The following COA1 variants were observed in gnomAD, a reference collection of about 807,000 sequenced individuals.
COA1 encodes cytochrome c oxidase assembly factor 1 homolog.
Under a neutral mutation model 16.0 loss-of-function variants are expected in COA1, and 13 were observed. The observed-to-expected ratio is 0.81, with a 90% CI of 0.53 to 1.29. The LOEUF (loss-of-function observed/expected upper bound fraction) is 1.29. COA1 is among the 50% of genes most tolerant of loss of function. The probability of loss-of-function intolerance (pLI) is 0.00; values close to 1 mark genes in which losing one functional copy is unlikely to be tolerated. For synonymous variants in COA1, 65 were observed against 65.7 expected (o/e 0.99, Z 0.05); for missense variants, 179 against 177.0 (o/e 1.01, Z -0.06).
Position 43,633,906 on chromosome 7 carries a change from T to A in COA1, c.*133+5543A>T, listed in dbSNP as rs12532667. 1.3e-4 allele frequency among the ~76,000 whole-genome samples: 20 copies of A among 152,280 alleles called. No individual in the cohort carries two copies. In the East Asian group the frequency reaches 3.7e-3, roughly 28 times the overall value. On this transcript the variant is annotated intron_variant and NMD_transcript_variant, in intron 6 of 6. Coordinates refer to the COA1 transcript ENST00000415076. ...TTAGCTAGAGGCCCACAGGTACCAATTGCAGTCTGTTTTCTCCGCTCAGAT... is the reference window on the plus strand; with the variant it reads ...TTAGCTAGAGGCCCACAGGTACCAAATGCAGTCTGTTTTCTCCGCTCAGAT...
chr7:43,681,183 A>G (rs371364557), intron 1 of COA1, among the ~76,000 whole-genome samples: 68 of 152,216 alleles, frequency 4.5e-4, no homozygotes, highest in African/African-American at 1.6e-3. Context: ...TGACCCATTC[A>G]TCGTATATAG....
At chr7:43,670,588 TG>T (rs1483969373) in intron 1 of COA1, among the ~76,000 whole-genome samples, 3 of 152,150 alleles carry the variant, frequency 2.0e-5, no homozygotes, top group Non-Finnish European at 4.4e-5. Flanking sequence ...CCTGAAGAAG[TG>T]TTTAGCCTAG....
chr7:43,689,837 A>G (rs1006531692), intron 1 of COA1, among the ~76,000 whole-genome samples: 6 of 152,234 alleles, frequency 3.9e-5, no homozygotes, highest in Non-Finnish European at 8.8e-5. Context: ...TTAAATGTAG[A>G]CTATGATAAG....
chr7:43,676,969 C>T (rs1404190877), intron 1 of COA1, among the ~76,000 whole-genome samples: 4 of 152,086 alleles, frequency 2.6e-5, no homozygotes, highest in Non-Finnish European at 5.9e-5. Context: ...TTTTTTCTAG[C>T]TTAATTTATT....
rs916153450 is a variant in COA1, at chr7:43,629,413, T to G, written c.*133+10036A>C. 1.3e-5 allele frequency among the ~76,000 whole-genome samples: 2 copies of G among 152,244 alleles called. 1 individual carries two copies. Among genetic ancestry groups the G allele is most frequent in the South Asian group, 4.1e-4 (2 of 4,836 alleles). ...GTAGTCATCCAATCCATAAACATGT[T>G]TTTCCATTTACTTCATTTTTTCTCA... On this transcript the variant is annotated intron_variant and NMD_transcript_variant, in intron 6 of 6. Transcript: ENST00000415076.
chr7:43,630,855 T>TA (rs1405726116), intron 6 of COA1, among the ~76,000 whole-genome samples: 7 of 152,176 alleles, frequency 4.6e-5, no homozygotes, highest in Admixed American at 3.3e-4. Context: ...TTTTACCAGT[T>TA]AGAGTGAAAT....
At chr7:43,684,867 A>G (rs76690154) in intron 1 of COA1, among the ~76,000 whole-genome samples, 2,100 of 152,278 alleles carry the variant, frequency 0.014, 37 homozygotes, top group African/African-American at 0.048. Flanking sequence ...AGAGAGACAG[A>G]CTGAGCTCTG....
chr7:43,623,916 T>C (rs1364198803), intron 6 of COA1: 2 of 1,381,302 alleles, frequency 1.4e-6, no homozygotes, highest in South Asian at 1.8e-5. Context: ...TAGTTTAATA[T>C]TGAACTAATT....
intron 1 of COA1, among the ~76,000 whole-genome samples, chr7:43,660,791 T>A (rs749831719): frequency 1.1e-4 from 16 of 152,246 alleles, no homozygotes; most frequent in Non-Finnish European, 1.6e-4. Flanking sequence ...CAAGGGGTTA[T>A]CAAGACTGCT....
rs2089073068 is a variant in COA1, at chr7:43,645,661, T to C, written c.116-262A>G. ...TGCAGACCCTTTCTGCTTCACCTCA[T>C]TTCTACCCTCACTCATTGCCTTATT... On this transcript the variant is annotated intron_variant, in intron 3 of 5. Transcript: ENST00000223336. 1.1e-5 allele frequency: 4 copies of C among 351,894 alleles called. No individual in the cohort carries two copies. The South Asian group carries it at 1.3e-4, about 11-fold the overall frequency. The allele number at this position is 351,894 out of a possible 1,614,324, so 21.8% of individuals were successfully genotyped here.
chr7:43,656,922 C>A (rs539264638), intron 1 of COA1, among the ~76,000 whole-genome samples: 6 of 151,042 alleles, frequency 4.0e-5, no homozygotes, highest in Non-Finnish European at 7.4e-5. Flanking sequence ...AGGCCGGTTG[C>A]GGTGGCTCAC....
At chr7:43,644,710 TTAGA>T (rs764989171) in intron 4 of COA1, among the ~76,000 whole-genome samples, 1,738 of 56,088 alleles carry the variant, frequency 0.031, 25 homozygotes, top group Middle Eastern at 0.067. Context: ...GATAGATAGA[TTAGA>T]TAGATAGATA....
chr7:43,663,145 T>C (rs2092600271), intron 1 of COA1, among the ~76,000 whole-genome samples: 1 of 152,212 alleles, frequency 6.6e-6, no homozygotes, highest in Admixed American at 6.5e-5. Flanking sequence ...GTTTCAAGTA[T>C]GTGGCACCTC....
At chr7:43,726,931 A>G (rs917318967) in intron 1 of COA1, among the ~76,000 whole-genome samples, 1 of 152,248 alleles carries the variant, frequency 6.6e-6, no homozygotes, top group African/African-American at 2.4e-5. Flanking sequence ...ACTTGAAAAG[A>G]TGCTCAACAT....
chr7:43,674,121 A>T (rs1456219463), intron 1 of COA1, among the ~76,000 whole-genome samples: 2 of 152,164 alleles, frequency 1.3e-5, no homozygotes, highest in East Asian at 3.8e-4. Context: ...CTATATAACA[A>T]ACCTGCACAT....
At chr7:43,683,272 T>C (rs187057993) in intron 1 of COA1, among the ~76,000 whole-genome samples, 67 of 152,282 alleles carry the variant, frequency 4.4e-4, no homozygotes, top group African/African-American at 1.5e-3. Flanking sequence ...TTACATATCA[T>C]AATGATCATT....
chr7:43,722,185 G>C (rs1309045212), intron 1 of COA1, among the ~76,000 whole-genome samples: 1 of 148,146 alleles, frequency 6.8e-6, no homozygotes, highest in Non-Finnish European at 1.5e-5. Context: ...CGACCTCCCA[G>C]ACTCAGGTGA....
At chr7:43,675,730 T>C (rs1332634025) in intron 1 of COA1, among the ~76,000 whole-genome samples, 1 of 152,162 alleles carries the variant, frequency 6.6e-6, no homozygotes, top group Non-Finnish European at 1.5e-5. Context: ...TTCACTACTC[T>C]GAATTGTAGA....
chr7:43,695,686 T>C (rs1301370794), intron 1 of COA1, among the ~76,000 whole-genome samples: 1 of 151,100 alleles, frequency 6.6e-6, no homozygotes, highest in Non-Finnish European at 1.5e-5. Flanking sequence ...ACCAATCATA[T>C]GCCAAAAATT....
Sources: gnomAD v4.1 joint callset for allele counts (sites outside exome capture counted in the v4.1 genomes callset) on GRCh38, gnomAD v4.1.1 for gene constraint, MANE v1.5 for transcripts, NCBI Gene and HGNC (gene_info 2026-07-23, HGNC 2026-07-21) for gene names.